The following SMYD3 variants were observed in gnomAD, a reference collection of about 807,000 sequenced individuals.
SMYD3 encodes histone-lysine N-methyltransferase SMYD3.
In SMYD3, 36 loss-of-function variants were observed where a neutral mutation model predicts 57.7. That is an observed-to-expected ratio of 0.62 (90% CI 0.48 to 0.82). SMYD3 has a LOEUF of 0.82. SMYD3 is among the 40% of genes least tolerant of loss of function. The probability of loss-of-function intolerance (pLI) is 0.00; values close to 1 mark genes in which losing one functional copy is unlikely to be tolerated. For missense variants in SMYD3, 515 were observed against 538.8 expected, an observed-to-expected ratio of 0.96 and a Z score of 0.44; for synonymous variants, 211 against 195.0, an observed-to-expected ratio of 1.08 and a Z score of -0.68.
chr1:246,472,712 C>A (rs987662871), intron 1 of SMYD3, among the ~76,000 whole-genome samples: 7 of 152,028 alleles, frequency 4.6e-5, no homozygotes, highest in South Asian at 4.2e-4. Context: ...CTACTGCACT[C>A]CAGCCTGGGT....
rs767839970 is a variant in SMYD3 at position 246,123,502 on chromosome 1, G to A, written c.532-193565C>T. ...GAATAGCTTGAACCCGGGAGGCAGA[G>A]GTTGCAGTGAGCCAAGATCACGCCA... On this transcript the variant is annotated intron_variant, in intron 5 of 11. Transcript: ENST00000490107. Among the ~76,000 whole-genome samples the A allele has an allele frequency of 4.6e-5, 7 of 151,798 alleles. No individual in the cohort carries two copies. In the East Asian group the frequency reaches 9.7e-4, roughly 21 times the overall value.
intron 4 of SMYD3, 35 bp from the exon 5 acceptor site, chr1:246,327,372 A>T: frequency 1.3e-6 from 2 of 1,573,958 alleles, no homozygotes; most frequent in Non-Finnish European, 1.7e-6. Context: ...CACAATCTCA[A>T]AGTAAACTTC....
At chr1:246,416,362 T>A (rs1304343871) in intron 1 of SMYD3, among the ~76,000 whole-genome samples, 6 of 152,074 alleles carry the variant, frequency 3.9e-5, no homozygotes, top group Admixed American at 3.9e-4. Context: ...GACTTAAAGG[T>A]TCTAATTAAG....
intron 5 of SMYD3, among the ~76,000 whole-genome samples, chr1:246,294,649 C>T (rs570524495): frequency 4.6e-5 from 7 of 151,916 alleles, no homozygotes; most frequent in South Asian, 4.2e-4. Context: ...CCCATGTTGG[C>T]GTGCAGTGGT....
chr1:246,487,986 G>A (rs1431513308), intron 1 of SMYD3, among the ~76,000 whole-genome samples: 3 of 152,234 alleles, frequency 2.0e-5, no homozygotes, highest in Non-Finnish European at 4.4e-5. Context: ...GAGCCACCAC[G>A]CCTGGCCCTC....
chr1:245,815,324 C>T (rs183994877), intron 10 of SMYD3, among the ~76,000 whole-genome samples: 1 of 152,228 alleles, frequency 6.6e-6, no homozygotes, highest in African/African-American at 2.4e-5. Context: ...GTCCTTGCCT[C>T]TCATTCAGGG....
intron 1 of SMYD3, among the ~76,000 whole-genome samples, chr1:246,432,276 C>T (rs544290571): frequency 5.3e-5 from 8 of 152,310 alleles, no homozygotes; most frequent in African/African-American, 1.4e-4. Flanking sequence ...AGAGTGATTA[C>T]ATATTTAACT....
chr1:246,332,324 G>A (rs2065474816), intron 3 of SMYD3, among the ~76,000 whole-genome samples: 1 of 152,220 alleles, frequency 6.6e-6, no homozygotes, highest in Non-Finnish European at 1.5e-5. Context: ...GAAAGTCTGA[G>A]TGGCCTGGAT....
chr1:246,171,465 T>C (rs1009620242), intron 5 of SMYD3, among the ~76,000 whole-genome samples: 2 of 152,150 alleles, frequency 1.3e-5, no homozygotes, highest in African/African-American at 2.4e-5. Flanking sequence ...TGGAGTCATG[T>C]CTTCTTAACA....
intron 5 of SMYD3, among the ~76,000 whole-genome samples, chr1:246,152,465 C>CT (rs995361986): frequency 2.0e-5 from 3 of 152,186 alleles, no homozygotes; most frequent in African/African-American, 7.2e-5. Context: ...TGCCTTGAAA[C>CT]TAATGCCACC....
intron 10 of SMYD3, among the ~76,000 whole-genome samples, chr1:245,857,976 T>C (rs1194911314): frequency 6.6e-6 from 1 of 152,172 alleles, no homozygotes; most frequent in Non-Finnish European, 1.5e-5. Flanking sequence ...CAGGGCCGTC[T>C]CCCTGCTGTC....
chr1:246,063,439 A>G (rs905195828), intron 5 of SMYD3, among the ~76,000 whole-genome samples: 4 of 152,190 alleles, frequency 2.6e-5, no homozygotes, highest in Non-Finnish European at 5.9e-5. Flanking sequence ...AGGCACTGTC[A>G]GCCACTCTTA....
At chr1:245,953,127 G>T in intron 5 of SMYD3, 2 of 732,640 alleles carry the variant, frequency 2.7e-6, no homozygotes, top group Non-Finnish European at 3.4e-6. Context: ...AAACACCTTT[G>T]GGTAAAGTGT....
At chr1:245,871,522 T>C (rs183894514) in intron 8 of SMYD3, among the ~76,000 whole-genome samples, 3 of 152,172 alleles carry the variant, frequency 2.0e-5, no homozygotes, top group African/African-American at 7.2e-5. Flanking sequence ...GGAAGGAATG[T>C]TCTCAGGTTG....
At chr1:245,904,055 G>C (rs1036408597) in intron 8 of SMYD3, among the ~76,000 whole-genome samples, 3 of 152,146 alleles carry the variant, frequency 2.0e-5, no homozygotes, top group Admixed American at 6.5e-5. Flanking sequence ...ACATCGTCAG[G>C]CTGCAAATGT....
At chr1:245,802,773 T>C (rs748545231) in intron 10 of SMYD3, among the ~76,000 whole-genome samples, 8 of 152,226 alleles carry the variant, frequency 5.3e-5, no homozygotes, top group East Asian at 1.9e-4. Context: ...CAGGCCAGCA[T>C]TGCTCTTCAA....
chr1:246,229,937 A>C (rs1052308048), intron 5 of SMYD3, among the ~76,000 whole-genome samples: 2 of 152,204 alleles, frequency 1.3e-5, no homozygotes, highest in Non-Finnish European at 2.9e-5. Context: ...ATTAAACCTA[A>C]AACAGACTTA....
intron 10 of SMYD3, among the ~76,000 whole-genome samples, chr1:245,772,177 T>TC (rs1413180120): frequency 1.3e-5 from 2 of 152,316 alleles, no homozygotes; most frequent in African/African-American, 4.8e-5. Flanking sequence ...GGATCTGCAC[T>TC]CCCCCATCTC....
chr1:246,231,302 C>T (rs1288635917), intron 5 of SMYD3, among the ~76,000 whole-genome samples: 4 of 152,094 alleles, frequency 2.6e-5, no homozygotes, highest in East Asian at 3.9e-4. Flanking sequence ...GTGTAATAAA[C>T]GGGTTGTCCA....
Sources: gnomAD v4.1 joint callset for allele counts (sites outside exome capture counted in the v4.1 genomes callset) on GRCh38, gnomAD v4.1.1 for gene constraint, MANE v1.5 for transcripts, NCBI Gene and HGNC (gene_info 2026-07-23, HGNC 2026-07-21) for gene names.